The following LOC112694756 variants were observed in gnomAD, a reference collection of about 807,000 sequenced individuals.
the LOC112694756 span, chr16:30,070,283 C>T: frequency 6.8e-7 from 1 of 1,462,916 alleles, no homozygotes. Flanking sequence ...AGGAGGCCGC[C>T]TCCTCGGGGC....
At chr16:30,067,707 G>T in the LOC112694756 span, 3 of 1,609,118 alleles carry the variant, frequency 1.9e-6, no homozygotes, top group South Asian at 3.3e-5. Flanking sequence ...GGAAGTGGAG[G>T]AAGGAAATCC....
the LOC112694756 span, chr16:30,063,738 C>A: frequency 2.5e-6 from 1 of 399,402 alleles, no homozygotes; most frequent in Non-Finnish European, 4.4e-6. Context: ...GGACTGGGCA[C>A]CTCGCTGCCC....
chr16:30,070,000 G>A, the LOC112694756 span: 1 of 1,613,856 alleles, frequency 6.2e-7, no homozygotes, highest in Non-Finnish European at 8.5e-7. Flanking sequence ...CCTGAAGGCT[G>A]CGCAGGAGGA....
chr16:30,055,991 G>A, the LOC112694756 span, among the ~76,000 whole-genome samples: 1 of 152,044 alleles, frequency 6.6e-6, no homozygotes, highest in African/African-American at 2.4e-5. Context: ...AGTAAAGACG[G>A]GGTTTCATCA....
chr16:30,070,269 G>C, the LOC112694756 span: 1 of 1,565,532 alleles, frequency 6.4e-7, no homozygotes, highest in Non-Finnish European at 8.8e-7. Flanking sequence ...TCCCACTCTT[G>C]AAGAGGAGGC....
chr16:30,066,578 CTT>C, the LOC112694756 span, among the ~76,000 whole-genome samples: 2 of 152,320 alleles, frequency 1.3e-5, no homozygotes, highest in South Asian at 2.1e-4. Context: ...TCCTTGCTCT[CTT>C]ATATTTTTCC....
the LOC112694756 span, among the ~76,000 whole-genome samples, chr16:30,054,155 A>G: frequency 1.3e-5 from 2 of 152,082 alleles, no homozygotes; most frequent in East Asian, 1.9e-4. Context: ...CCCCCTCTGT[A>G]CTAAAAATAC....
At chr16:30,062,842 G>GAAA in the LOC112694756 span, among the ~76,000 whole-genome samples, 3 of 117,672 alleles carry the variant, frequency 2.5e-5, no homozygotes, top group Non-Finnish European at 3.6e-5. Context: ...CTCCATCTCG[G>GAAA]AAAAAAAAAA....
At chr16:30,062,056 AGCTG>A in the LOC112694756 span, among the ~76,000 whole-genome samples, 1 of 151,530 alleles carries the variant, frequency 6.6e-6, no homozygotes, top group Non-Finnish European at 1.5e-5. Context: ...TACAAAAATT[AGCTG>A]GGTGTAGTGG....
At chr16:30,057,593 A>G in the LOC112694756 span, among the ~76,000 whole-genome samples, 4,528 of 152,308 alleles carry the variant, frequency 0.03, 228 homozygotes, top group African/African-American at 0.1. Context: ...AAGCAAATTC[A>G]TAACTTGGGC....
the LOC112694756 span, chr16:30,068,660 G>A: frequency 6.2e-7 from 1 of 1,614,176 alleles, no homozygotes; most frequent in Non-Finnish European, 8.5e-7. Context: ...ACAAGGGCGT[G>A]GTCCCCCTGG....
chr16:30,061,929 G>A, the LOC112694756 span, among the ~76,000 whole-genome samples: 9 of 152,042 alleles, frequency 5.9e-5, no homozygotes, highest in Non-Finnish European at 1.0e-4. Context: ...AAGGCTGGGC[G>A]CGGTGGCTCA....
the LOC112694756 span, among the ~76,000 whole-genome samples, chr16:30,056,778 T>G: frequency 1.2e-3 from 178 of 152,180 alleles, no homozygotes; most frequent in Non-Finnish European, 2.1e-3. Context: ...TGTTTATATC[T>G]TTCACACAGA....
the LOC112694756 span, among the ~76,000 whole-genome samples, chr16:30,065,219 G>C: frequency 6.6e-6 from 1 of 152,162 alleles, no homozygotes; most frequent in South Asian, 2.1e-4. Flanking sequence ...CCTTTCCTCC[G>C]CCTCCCTTAC....
At chr16:30,064,472 G>C in the LOC112694756 span, 1 of 398,602 alleles carries the variant, frequency 2.5e-6, no homozygotes, top group Non-Finnish European at 4.4e-6. Flanking sequence ...GCCTCCGTCT[G>C]GATTTCCAAG....
chr16:30,060,018 G>C, the LOC112694756 span, among the ~76,000 whole-genome samples: 1 of 151,798 alleles, frequency 6.6e-6, no homozygotes, highest in Non-Finnish European at 1.5e-5. Context: ...TCACTCTGTT[G>C]CCCAGGCTAG....
the LOC112694756 span, chr16:30,069,804 C>T: frequency 7.4e-6 from 12 of 1,613,924 alleles, no homozygotes; most frequent in South Asian, 2.2e-5. Context: ...GACCACAGCC[C>T]CTCTCGCCTC....
At chr16:30,065,329 G>A in the LOC112694756 span, among the ~76,000 whole-genome samples, 3 of 152,218 alleles carry the variant, frequency 2.0e-5, no homozygotes, top group Non-Finnish European at 4.4e-5. Flanking sequence ...GGTGACACGC[G>A]CTGCAGCCGC....
At chr16:30,066,921 G>A in the LOC112694756 span, 1 of 1,550,770 alleles carries the variant, frequency 6.4e-7, no homozygotes, top group Non-Finnish European at 8.7e-7. Flanking sequence ...AGCCAGAAGG[G>A]TCCAGCTTCA....
Sources: gnomAD v4.1 joint callset for allele counts (sites outside exome capture counted in the v4.1 genomes callset) on GRCh38, gnomAD v4.1.1 for gene constraint, MANE v1.5 for transcripts.